The following TEKT5 variants were observed in gnomAD, a reference collection of about 807,000 sequenced individuals.
The protein encoded by TEKT5 is tektin-5.
In TEKT5, 52 loss-of-function variants were observed where a neutral mutation model predicts 48.7. The observed-to-expected ratio is 1.07, with a 90% CI of 0.86 to 1.35. TEKT5 has a LOEUF of 1.35. Ranked by LOEUF, TEKT5 falls within the 40% of genes most tolerant of loss-of-function variation. TEKT5 has a pLI of 0.00. For missense variants in TEKT5, 831 were observed against 641.6 expected (o/e 1.30, Z -3.19); for synonymous variants, 318 against 267.6 (o/e 1.19, Z -1.84).
At chr16:10,637,618 G>A (rs1382857380) in intron 5 of TEKT5, among the ~76,000 whole-genome samples, 2 of 152,238 alleles carry the variant, frequency 1.3e-5, no homozygotes, top group African/African-American at 4.8e-5. Context: ...TAAGGTCTGA[G>A]AATGTTCTAC....
chr16:10,674,703 C>T (rs2142300060), intron 5 of TEKT5, among the ~76,000 whole-genome samples: 1 of 150,620 alleles, frequency 6.6e-6, no homozygotes, highest in South Asian at 2.1e-4. Context: ...TTTTGGAGTA[C>T]CAGATCAACG....
chr16:10,672,577 C>T (rs1016476621), intron 5 of TEKT5, among the ~76,000 whole-genome samples: 6 of 152,170 alleles, frequency 3.9e-5, no homozygotes, highest in African/African-American at 9.7e-5. Context: ...GACTGGGTTA[C>T]AGAGCGAGAC....
intron 3 of TEKT5, among the ~76,000 whole-genome samples, chr16:10,682,577 C>T (rs9932810): frequency 0.2 from 30,817 of 152,098 alleles, 3,947 homozygotes; most frequent in East Asian, 0.53. Flanking sequence ...ATCCCCCTGC[C>T]TCAGTTTCCC....
At chr16:10,629,309 G>A (rs1252564430) in intron 6 of TEKT5, among the ~76,000 whole-genome samples, 1 of 151,488 alleles carries the variant, frequency 6.6e-6, no homozygotes, top group East Asian at 1.9e-4. Context: ...GGAGTGCAGT[G>A]GTGCAATCTC....
Position 10,635,753 on chromosome 16 carries a change from C to G in TEKT5, c.1241+11G>C, listed in dbSNP as rs1442451730. Reference sequence around the variant, plus strand: ...GGGGTTCTCCTGCCTCCTCTGGCCTCCCTCACTTACTTCAACTGCGGGATG... The same window carrying G: ...GGGGTTCTCCTGCCTCCTCTGGCCTGCCTCACTTACTTCAACTGCGGGATG... On this transcript the variant is annotated intron_variant, in intron 6 of 6. Transcript: ENST00000283025. 1.9e-6 allele frequency: 3 copies of G among 1,608,902 alleles called. No individual in the cohort carries two copies. The African/African-American group carries it at 4.0e-5, about 21-fold the overall frequency.
At chr16:10,635,233 C>G (rs1254295081) in intron 6 of TEKT5, among the ~76,000 whole-genome samples, 1 of 145,570 alleles carries the variant, frequency 6.9e-6, no homozygotes, top group East Asian at 2.1e-4. Context: ...GACCCCTGTC[C>G]TGTGAGAAAG....
intron 5 of TEKT5, among the ~76,000 whole-genome samples, chr16:10,650,496 T>C (rs763325476): frequency 7.2e-5 from 11 of 152,082 alleles, no homozygotes; most frequent in Non-Finnish European, 1.3e-4. Flanking sequence ...AATCTGCCCA[T>C]GTGGGTGTGC....
chr16:10,649,083 G>C (rs1300145111), intron 5 of TEKT5, among the ~76,000 whole-genome samples: 1 of 151,820 alleles, frequency 6.6e-6, no homozygotes, highest in Non-Finnish European at 1.5e-5. Context: ...CTGAGTAACT[G>C]GTACTACAGG....
At chr16:10,628,648 A>C (rs1312748403) in intron 6 of TEKT5, among the ~76,000 whole-genome samples, 1 of 152,108 alleles carries the variant, frequency 6.6e-6, no homozygotes, top group South Asian at 2.1e-4. Flanking sequence ...CTCACGCCTG[A>C]AATCCCAGCA....
intron 4 of TEKT5, among the ~76,000 whole-genome samples, chr16:10,681,377 G>GTC (rs59484637): frequency 0.072 from 2,770 of 38,734 alleles, 46 homozygotes; most frequent in Non-Finnish European, 0.091. Flanking sequence ...TCCACTCTCT[G>GTC]TCTCTCTCTC....
chr16:10,640,553 C>T (rs1486211023), intron 5 of TEKT5, among the ~76,000 whole-genome samples: 1 of 152,156 alleles, frequency 6.6e-6, no homozygotes, highest in Non-Finnish European at 1.5e-5. Context: ...GAAATCATCA[C>T]CATAATCAAG....
intron 5 of TEKT5, among the ~76,000 whole-genome samples, chr16:10,660,943 T>A (rs900423211): frequency 6.6e-6 from 1 of 152,116 alleles, no homozygotes; most frequent in Non-Finnish European, 1.5e-5. Context: ...TCAAGTGATC[T>A]GCCCACCCTG....
intron 1 of TEKT5, chr16:10,690,637 G>T (rs184525328): frequency 1.0e-6 from 1 of 985,310 alleles, no homozygotes; most frequent in African/African-American, 1.7e-5. Flanking sequence ...AGATCTCCCA[G>T]TGGAGGGACA....
intron 5 of TEKT5, among the ~76,000 whole-genome samples, chr16:10,675,293 T>C (rs1337989647): frequency 6.6e-6 from 1 of 152,178 alleles, no homozygotes; most frequent in East Asian, 1.9e-4. Flanking sequence ...CCTCATTTTA[T>C]TCCTAGTGCC....
chr16:10,641,244 A>G (rs1160783591), intron 5 of TEKT5, among the ~76,000 whole-genome samples: 3 of 152,170 alleles, frequency 2.0e-5, no homozygotes, highest in Non-Finnish European at 4.4e-5. Flanking sequence ...TCAGAGAAGC[A>G]TGTGGATTAG....
chr16:10,627,798 G>C lies in TEKT5; in HGVS notation c.1243C>G (p.Leu415Val), dbSNP rs1287208982. The C allele has an allele frequency of 6.2e-7, 1 of 1,613,270 alleles. No homozygotes were observed. The highest frequency in any genetic ancestry group is 2.2e-5 in the East Asian group (1 of 44,894). The change falls in exon 7 of 7, where the codon CTG (leucine) becomes GTG (valine). Residue 415 changes from leucine to valine, a missense_variant and splice_region_variant. By Grantham distance (32) the Leu-to-Val change is conservative. Transcript: ENST00000283025. ...TCGATGGTGAACACCTCGTTCACCA[G>C]CCTGGGGTGAGGGCAGAGGAGAAGG... The part of the protein sequence containing the change: ...ELCRDIPQLK[L>V]VNEVFTIDDT...
At chr16:10,641,658 G>A (rs1305979798) in intron 5 of TEKT5, among the ~76,000 whole-genome samples, 1 of 152,012 alleles carries the variant, frequency 6.6e-6, no homozygotes, top group East Asian at 1.9e-4. Flanking sequence ...TTGTCTCCAC[G>A]AAAAATAGAC....
chr16:10,643,079 A>C lies in TEKT5; in HGVS notation c.1087-7161T>G, dbSNP rs138432272. ...AAAACATACGCACAATTACTGTGTC[A>C]ATTTAAAAAATAAAACAAAGGCTGG... On this transcript the variant is annotated intron_variant, in intron 5 of 6. Coordinates refer to ENST00000283025, the MANE Select transcript of TEKT5 (RefSeq NM_144674.2). 3.5e-3 allele frequency among the ~76,000 whole-genome samples: 531 copies of C among 152,310 alleles called. 1 individual carries two copies. The highest frequency in any genetic ancestry group is 0.015 in the South Asian group (72 of 4,826).
At chr16:10,675,017 G>A (rs967898890) in intron 5 of TEKT5, among the ~76,000 whole-genome samples, 1 of 151,880 alleles carries the variant, frequency 6.6e-6, no homozygotes, top group Non-Finnish European at 1.5e-5. Context: ...GTAGAGCCAG[G>A]GTTTCACCAT....
Sources: allele counts gnomAD v4.1 joint callset (sites outside exome capture counted in the v4.1 genomes callset), GRCh38; gene constraint gnomAD v4.1.1; transcripts MANE v1.5; gene names NCBI Gene and HGNC (gene_info 2026-07-23, HGNC 2026-07-21).